Variants in NRXN3 observed in about 807,000 individuals in gnomAD.
NRXN3 encodes the protein neurexin 3, also known as neurexin III.
NRXN3 carries 32 observed loss-of-function variants against 137.6 expected under a neutral mutation model. That is an observed-to-expected ratio of 0.23 (90% CI 0.18 to 0.31). NRXN3 has a LOEUF of 0.31. NRXN3 is among the 10% of genes least tolerant of loss of function. The pLI is 1.00. For missense variants in NRXN3, 1,574 were observed against 2,062.5 expected (o/e 0.76, Z 4.59); for synonymous variants, 798 against 784.5 (o/e 1.02, Z -0.29).
chr14:79,376,035 T>C (rs1181470011), intron 15 of NRXN3, among the ~76,000 whole-genome samples: 2 of 140,260 alleles, frequency 1.4e-5, no homozygotes, highest in Admixed American at 7.4e-5. Flanking sequence ...TATATACTTA[T>C]ATATAAGTGT....
chr14:79,360,745 A>G (rs10146833), intron 15 of NRXN3, among the ~76,000 whole-genome samples: 69,628 of 152,014 alleles, frequency 0.46, 16,248 homozygotes, highest in South Asian at 0.54. Flanking sequence ...GGAGGCAAGA[A>G]ATTAAAAGGG....
chr14:79,400,059 C>G (rs1468687316), intron 15 of NRXN3, among the ~76,000 whole-genome samples: 3 of 152,196 alleles, frequency 2.0e-5, no homozygotes, highest in Non-Finnish European at 2.9e-5. Flanking sequence ...GATACGAACA[C>G]TAGTCTTTTA....
chr14:79,674,009 A>G (rs1198016356), intron 17 of NRXN3, among the ~76,000 whole-genome samples: 1 of 152,044 alleles, frequency 6.6e-6, no homozygotes, highest in Non-Finnish European at 1.5e-5. Context: ...TTGAACCTAC[A>G]ATTCCACAAA....
At chr14:79,347,426 CT>C (rs750931814) in intron 15 of NRXN3, among the ~76,000 whole-genome samples, 458 of 142,210 alleles carry the variant, frequency 3.2e-3, no homozygotes, top group East Asian at 0.013. Context: ...CAACGTTTTC[CT>C]TTTTTTTTTT....
chr14:79,391,944 G>A (rs185781298), intron 15 of NRXN3, among the ~76,000 whole-genome samples: 1 of 152,116 alleles, frequency 6.6e-6, no homozygotes, highest in Admixed American at 6.5e-5. Flanking sequence ...CTCCTAGAGA[G>A]GGGGGATTTC....
intron 16 of NRXN3, among the ~76,000 whole-genome samples, chr14:79,563,788 A>T (rs1281671020): frequency 6.6e-6 from 1 of 152,014 alleles, no homozygotes; most frequent in Non-Finnish European, 1.5e-5. Flanking sequence ...ACCTGAATAC[A>T]TTTCTACTGT....
chr14:79,699,739 A>G (rs143349402), intron 19 of NRXN3, among the ~76,000 whole-genome samples: 86 of 152,166 alleles, frequency 5.7e-4, no homozygotes, highest in African/African-American at 1.8e-3. Context: ...ACAACTGGGA[A>G]TGCCTTCTCC....
At chr14:78,600,421 A>G (rs138189994) in intron 4 of NRXN3, among the ~76,000 whole-genome samples, 1 of 152,310 alleles carries the variant, frequency 6.6e-6, no homozygotes, top group East Asian at 1.9e-4. Flanking sequence ...AGCTCCATTT[A>G]ATACCGTTCC....
intron 17 of NRXN3, among the ~76,000 whole-genome samples, chr14:79,675,029 G>T (rs2098633101): frequency 6.6e-6 from 1 of 151,972 alleles, no homozygotes; most frequent in Admixed American, 6.6e-5. Flanking sequence ...ATAGCATCCT[G>T]GAAAGGGGTC....
At chr14:78,777,571 CTT>C (rs1048443300) in intron 8 of NRXN3, among the ~76,000 whole-genome samples, 6 of 152,110 alleles carry the variant, frequency 3.9e-5, no homozygotes, top group African/African-American at 1.2e-4. Flanking sequence ...AGGCTAGACT[CTT>C]TATTCTTAGA....
intron 17 of NRXN3, among the ~76,000 whole-genome samples, chr14:79,682,374 G>A (rs546232877): frequency 1.3e-5 from 2 of 152,240 alleles, no homozygotes; most frequent in South Asian, 4.1e-4. Context: ...AATTAACGAG[G>A]CATTGTATGA....
intron 4 of NRXN3, among the ~76,000 whole-genome samples, chr14:78,387,816 T>C (rs1409935192): frequency 6.6e-6 from 1 of 152,178 alleles, no homozygotes; most frequent in African/African-American, 2.4e-5. Context: ...AATGTAGTCT[T>C]ATGTTTTTGT....
At chr14:78,800,740 C>T (rs1479980863) in intron 8 of NRXN3, among the ~76,000 whole-genome samples, 1 of 152,144 alleles carries the variant, frequency 6.6e-6, no homozygotes. Flanking sequence ...TGGGACCCTT[C>T]AATGTGGTCT....
At chr14:79,105,851 C>T (rs903945081) in intron 15 of NRXN3, among the ~76,000 whole-genome samples, 3 of 152,040 alleles carry the variant, frequency 2.0e-5, no homozygotes, top group African/African-American at 2.4e-5. Context: ...GTTCTCAACT[C>T]CTGATAAAAA....
At chr14:78,555,818 G>A (rs1363156619) in intron 4 of NRXN3, among the ~76,000 whole-genome samples, 1 of 152,180 alleles carries the variant, frequency 6.6e-6, no homozygotes, top group Admixed American at 6.5e-5. Context: ...CCAAGATGGT[G>A]GCAAGGGTGG....
chr14:78,559,942 C>A (rs2096772038), intron 4 of NRXN3, among the ~76,000 whole-genome samples: 1 of 152,202 alleles, frequency 6.6e-6, no homozygotes, highest in South Asian at 2.1e-4. Flanking sequence ...CAGCGAGCAC[C>A]TTTTGGATTG....
chr14:79,097,413 G>A lies in NRXN3; in HGVS notation c.3262+109272G>A, dbSNP rs1595924967. 2.0e-5 allele frequency among the ~76,000 whole-genome samples: 3 copies of A among 152,164 alleles called. No individual in the cohort carries two copies. The East Asian group carries it at 5.8e-4, about 29-fold the overall frequency. Reference sequence around the variant, plus strand: ...TTTCTGCTTTCCAAGGGTAAGCATGGCCAACCTAGTATCCTGCTGTGCACC... The same window carrying A: ...TTTCTGCTTTCCAAGGGTAAGCATGACCAACCTAGTATCCTGCTGTGCACC... On this transcript the variant is annotated intron_variant, in intron 15 of 20. Transcript: ENST00000335750.
chr14:78,542,023 G>T (rs1013944393), intron 4 of NRXN3, among the ~76,000 whole-genome samples: 1 of 152,218 alleles, frequency 6.6e-6, no homozygotes, highest in Non-Finnish European at 1.5e-5. Flanking sequence ...AAATATTGCT[G>T]CCTGATTCTT....
In NRXN3 at chr14:78,244,640, A is replaced by G. The variant is rs145688198; in HGVS notation, c.709+838A>G. ...CCTCCCAACCCTCTGGGAGGTGTCT[A>G]GAAGGTGGATGAGGCATCTGCGCCA... On this transcript the variant is annotated intron_variant, in intron 2 of 20. Transcript: ENST00000335750. Among the ~76,000 whole-genome samples, 1,032 of 152,256 alleles carry G rather than the reference A, an allele frequency of 6.8e-3. 9 individuals carry two copies. Among genetic ancestry groups the G allele is most frequent in the African/African-American group, 0.023 (970 of 41,540 alleles).
Sources: allele counts gnomAD v4.1 joint callset (sites outside exome capture counted in the v4.1 genomes callset), GRCh38; gene constraint gnomAD v4.1.1; transcripts MANE v1.5; gene names NCBI Gene and HGNC (gene_info 2026-07-23, HGNC 2026-07-21).